PCDH15: variants seen among roughly 807,000 people sequenced by gnomAD.
The protein encoded by PCDH15 is protocadherin-15.
PCDH15 carries 129 observed loss-of-function variants against 178.5 expected under a neutral mutation model. The ratio of observed to expected loss-of-function variants is 0.72; its 90% CI spans 0.63 to 0.84. PCDH15 has a LOEUF of 0.84. Among genes scored for constraint, PCDH15 ranks in the 40% least tolerant of loss-of-function variants. The probability of loss-of-function intolerance (pLI) is 0.00; values close to 1 mark genes in which losing one functional copy is unlikely to be tolerated. For synonymous variants in PCDH15, 800 were observed against 732.0 expected, an observed-to-expected ratio of 1.09 and a Z score of -1.50; for missense variants, 2,230 against 2,099.9, an observed-to-expected ratio of 1.06 and a Z score of -1.21.
chr10:54,107,774 T>A (rs2094943501), intron 15 of PCDH15, among the ~76,000 whole-genome samples: 1 of 151,990 alleles, frequency 6.6e-6, no homozygotes, highest in East Asian at 1.9e-4. Flanking sequence ...TGGGTGGGGT[T>A]TCAGAAAGTA....
chr10:55,366,285 T>C (rs2131984159), intron 2 of PCDH15: 1 of 152,262 alleles, frequency 6.6e-6, no homozygotes, highest in Admixed American at 6.5e-5. Context: ...TTTTTTATAA[T>C]AGAGTGATAA....
At chr10:54,122,550 G>A (rs1453552386) in intron 15 of PCDH15, among the ~76,000 whole-genome samples, 1 of 150,212 alleles carries the variant, frequency 6.7e-6, no homozygotes, top group African/African-American at 2.4e-5. Context: ...TTTGCTGGAG[G>A]CAAGAGGAAG....
chr10:54,613,537 A>ACATACG (rs975545782), intron 2 of PCDH15, among the ~76,000 whole-genome samples: 5 of 151,446 alleles, frequency 3.3e-5, no homozygotes, highest in African/African-American at 9.7e-5. Context: ...ACACACATAC[A>ACATACG]CATATGCACA....
At chr10:54,246,897 G>T (rs80268090) in intron 8 of PCDH15, among the ~76,000 whole-genome samples, 1 of 151,806 alleles carries the variant, frequency 6.6e-6, no homozygotes, top group African/African-American at 2.4e-5. Flanking sequence ...CTTGAATTTT[G>T]ATGATGATTA....
rs548427288 is a variant in PCDH15 at position 54,559,548 on chromosome 10, A to T, written c.92-31671T>A. On this transcript the variant is annotated intron_variant, in intron 2 of 37. Transcript: ENST00000644397. ...TCTGATTATTGCTCTGAAGATAAAC[A>T]ACTACTGAGACCATATATTCTGAAT... Among the ~76,000 whole-genome samples the T allele has an allele frequency of 3.9e-5, 6 of 152,160 alleles. No homozygotes were observed. The South Asian group carries it at 1.2e-3, about 32-fold the overall frequency.
At chr10:54,042,491 C>A (rs1209033136) in intron 18 of PCDH15, among the ~76,000 whole-genome samples, 1 of 152,058 alleles carries the variant, frequency 6.6e-6, no homozygotes, top group Non-Finnish European at 1.5e-5. Context: ...CAAAAGATGT[C>A]TTTTTGAATG....
intron 15 of PCDH15, among the ~76,000 whole-genome samples, chr10:54,112,513 G>T (rs2095044675): frequency 6.6e-6 from 1 of 152,074 alleles, no homozygotes; most frequent in East Asian, 1.9e-4. Flanking sequence ...TTTTGAAATT[G>T]AGACTATCTC....
At chr10:55,351,611 G>T (rs1414065846) in intron 2 of PCDH15, among the ~76,000 whole-genome samples, 1 of 151,934 alleles carries the variant, frequency 6.6e-6, no homozygotes, top group Admixed American at 6.6e-5. Context: ...TCTCTTTATT[G>T]TCATTGTTTG....
rs184814013 is a variant in PCDH15, at chr10:55,472,207, T to C, written c.-156+155418A>G. ...AGCCAAGTAATTTTTTAATCTCTGC[T>C]TTTAAAGGAACCTCATCTAAGGCAT... On this transcript the variant is annotated intron_variant, in intron 2 of 5. Transcript: ENST00000613346. Among the ~76,000 whole-genome samples the C allele has an allele frequency of 3.2e-3, 495 of 152,332 alleles. 5 individuals are homozygous for C. The highest frequency in any genetic ancestry group is 0.011 in the African/African-American group (470 of 41,566).
At chr10:54,452,960 C>T (rs1297503129) in intron 3 of PCDH15, among the ~76,000 whole-genome samples, 3 of 152,052 alleles carry the variant, frequency 2.0e-5, no homozygotes, top group Non-Finnish European at 4.4e-5. Flanking sequence ...TCAGTTTTTG[C>T]AGATGTAACT....
intron 2 of PCDH15, among the ~76,000 whole-genome samples, chr10:55,494,008 T>A (rs568024428): frequency 2.0e-5 from 3 of 152,002 alleles, no homozygotes; most frequent in African/African-American, 7.2e-5. Flanking sequence ...CCATTTTAAT[T>A]TTTAAGGCTT....
At chr10:54,239,432 T>TATATAGAGAGAGAGAGAG (rs1554853331) in intron 8 of PCDH15, among the ~76,000 whole-genome samples, 11 of 150,558 alleles carry the variant, frequency 7.3e-5, no homozygotes, top group African/African-American at 2.7e-4. Flanking sequence ...TATATATATA[T>TATATAGAGAGAGAGAGAG]AGAGTAAGAA....
At chr10:55,522,834 A>T (rs1347713363) in intron 2 of PCDH15, among the ~76,000 whole-genome samples, 1 of 151,092 alleles carries the variant, frequency 6.6e-6, no homozygotes, top group Admixed American at 6.6e-5. Context: ...AAGATTTATG[A>T]TTACTATTTT....
intron 2 of PCDH15, among the ~76,000 whole-genome samples, chr10:55,520,058 A>G (rs184838236): frequency 7.9e-4 from 116 of 146,002 alleles, no homozygotes; most frequent in African/African-American, 1.1e-3. Context: ...ATATATATAT[A>G]CATATATATG....
intron 23 of PCDH15, among the ~76,000 whole-genome samples, chr10:53,941,662 C>G (rs530047373): frequency 6.6e-6 from 1 of 152,166 alleles, no homozygotes; most frequent in African/African-American, 2.4e-5. Context: ...GATTTCAACT[C>G]TTCTGGGTAA....
chr10:54,722,594 A>T lies in PCDH15; in HGVS notation c.-28-58304T>A, dbSNP rs368184833. On this transcript the variant is annotated intron_variant, in intron 1 of 37. Transcript: ENST00000644397. ...CAATTGGGACCAAAAAAAAAAAAAA[A>T]TGTCAAATTATCTCTGTTAAATGAT... 9.8e-3 allele frequency among the ~76,000 whole-genome samples: 1,461 copies of T among 149,236 alleles called. 23 individuals are homozygous for T. Among genetic ancestry groups the T allele is most frequent in the East Asian group, 0.054 (274 of 5,062 alleles).
chr10:55,250,597 T>C (rs7095174), intron 1 of PCDH15, among the ~76,000 whole-genome samples: 81,200 of 143,498 alleles, frequency 0.57, 22,995 homozygotes, highest in East Asian at 0.67. Context: ...AGTGCAGTGG[T>C]GTGATCTCGG....
intron 3 of PCDH15, among the ~76,000 whole-genome samples, chr10:54,399,012 A>G (rs1273414979): frequency 6.6e-6 from 1 of 152,110 alleles, no homozygotes; most frequent in African/African-American, 2.4e-5. Context: ...CTTAAAAGTG[A>G]TTTATTTTAT....
intron 21 of PCDH15, among the ~76,000 whole-genome samples, chr10:53,972,530 G>A (rs548358934): frequency 1.3e-5 from 2 of 152,094 alleles, no homozygotes; most frequent in Non-Finnish European, 2.9e-5. Flanking sequence ...AATTTTTACA[G>A]TCTACCCATC....
Sources: allele counts gnomAD v4.1 joint callset (sites outside exome capture counted in the v4.1 genomes callset), GRCh38; gene constraint gnomAD v4.1.1; transcripts MANE v1.5; gene names NCBI Gene and HGNC (gene_info 2026-07-23, HGNC 2026-07-21).